Variants in PTCSC3 observed in about 807,000 individuals in gnomAD.
The protein encoded by PTCSC3 is papillary thyroid carcinoma susceptibility candidate 3, also known as papillary thyroid carcinoma susceptibility candidate 3 (non-protein coding).
chr14:36,151,078 A>G (rs1254072286), intron 3 of PTCSC3, among the ~76,000 whole-genome samples: 1 of 152,118 alleles, frequency 6.6e-6, no homozygotes, highest in African/African-American at 2.4e-5. Context: ...ATTGCTGACA[A>G]ATTTCCTCAG....
At chr14:36,139,802 G>A (rs917972656) in intron 3 of PTCSC3, among the ~76,000 whole-genome samples, 9 of 152,094 alleles carry the variant, frequency 5.9e-5, no homozygotes, top group African/African-American at 2.2e-4. Flanking sequence ...TGGTATATTT[G>A]TTATAATTAA....
chr14:36,166,968 A>G (rs1291419743), intron 1 of PTCSC3, among the ~76,000 whole-genome samples: 2 of 152,196 alleles, frequency 1.3e-5, no homozygotes, highest in South Asian at 2.1e-4. Context: ...AGGTTAGGAC[A>G]GGTAATTCAG....
intron 3 of PTCSC3, among the ~76,000 whole-genome samples, chr14:36,146,417 T>C (rs1361791556): frequency 6.6e-6 from 1 of 151,276 alleles, no homozygotes; most frequent in Non-Finnish European, 1.5e-5. Flanking sequence ...CATTATTTAA[T>C]GGCCTTGTTT....
intron 2 of PTCSC3, among the ~76,000 whole-genome samples, chr14:36,159,046 T>TGTTTCAA (rs1566508486): frequency 6.6e-6 from 1 of 151,942 alleles, no homozygotes; most frequent in Non-Finnish European, 1.5e-5. Context: ...TGCATAGAGG[T>TGTTTCAA]GTTTAAAGTA....
At chr14:36,136,454 T>C (rs1425216324) in intron 3 of PTCSC3, 1 of 152,202 alleles carries the variant, frequency 6.6e-6, no homozygotes, top group Non-Finnish European at 1.5e-5. Context: ...GTTTGTAACA[T>C]TGCTTATCTA....
At chr14:36,161,277 T>C (rs1881950717) in intron 2 of PTCSC3, among the ~76,000 whole-genome samples, 1 of 152,198 alleles carries the variant, frequency 6.6e-6, no homozygotes, top group South Asian at 2.1e-4. Context: ...CGAGGAGTTG[T>C]GATCCTTTGG....
Position 36,173,785 on chromosome 14 carries a change from T to TTCTC in PTCSC3, n.171+2509_171+2512dup, listed in dbSNP as rs1882230837. Among the ~76,000 whole-genome samples the TTCTC allele has an allele frequency of 2.6e-5, 4 of 152,228 alleles. No homozygotes were observed. The South Asian group carries it at 8.3e-4, about 32-fold the overall frequency. On this transcript the variant is annotated intron_variant and non_coding_transcript_variant, in intron 1 of 3. Coordinates refer to ENST00000556013, the Ensembl canonical transcript of PTCSC3. ...GCAGTGCAGGCAGGCTGGAAACGAA[T>TTCTC]TCTCTCAGCTGTTATTCTTCAGCAA...
At position 36,138,896 on chromosome 14, in the gene PTCSC3, G is replaced by T. The variant is rs2139086316; in HGVS notation, n.323-2540C>A. Among the ~76,000 whole-genome samples, 2 of 152,132 alleles carry T rather than the reference G, an allele frequency of 1.3e-5. 1 individual carries two copies. Among genetic ancestry groups the T allele is most frequent in the South Asian group, 4.2e-4 (2 of 4,818 alleles). Reference sequence around the variant, plus strand: ...GCACTTTGGGAGGCCGAGGCAGGCGGATCACGAGGAGTTCAAAACCATCCT... The same window carrying T: ...GCACTTTGGGAGGCCGAGGCAGGCGTATCACGAGGAGTTCAAAACCATCCT... On this transcript the variant is annotated intron_variant and non_coding_transcript_variant, in intron 3 of 3. Coordinates refer to ENST00000556013, the Ensembl canonical transcript of PTCSC3.
At chr14:36,167,280 G>A (rs1314678406) in intron 1 of PTCSC3, among the ~76,000 whole-genome samples, 1 of 152,106 alleles carries the variant, frequency 6.6e-6, no homozygotes, top group Non-Finnish European at 1.5e-5. Context: ...CAGGAAGCTA[G>A]CTGGCCCATT....
chr14:36,161,841 G>A (rs1005991823), intron 2 of PTCSC3, among the ~76,000 whole-genome samples: 3 of 152,108 alleles, frequency 2.0e-5, no homozygotes, highest in South Asian at 4.1e-4. Context: ...CTTCCCCCAC[G>A]TGCCCTGTCC....
chr14:36,139,740 TATA>T (rs1881376002), intron 3 of PTCSC3, among the ~76,000 whole-genome samples: 1 of 152,256 alleles, frequency 6.6e-6, no homozygotes. Context: ...AGTGTTCCTA[TATA>T]TCCTCCCTTC....
chr14:36,170,225 G>A (rs1039081067), intron 1 of PTCSC3, among the ~76,000 whole-genome samples: 1 of 152,008 alleles, frequency 6.6e-6, no homozygotes, highest in African/African-American at 2.4e-5. Flanking sequence ...TGTAGGTTAA[G>A]AATTTCCCAT....
intron 3 of PTCSC3, among the ~76,000 whole-genome samples, chr14:36,142,768 T>C (rs1205477112): frequency 1.3e-5 from 2 of 150,868 alleles, no homozygotes; most frequent in Non-Finnish European, 3.0e-5. Context: ...TAACTCATCA[T>C]CTAGCATTAG....
chr14:36,158,905 C>CTATT (rs1348301182), intron 2 of PTCSC3, among the ~76,000 whole-genome samples: 13 of 152,092 alleles, frequency 8.5e-5, no homozygotes. Context: ...GGTTGGTAGG[C>CTATT]TATTAATTAC....
chr14:36,145,539 ATTC>A (rs369047964), intron 3 of PTCSC3, among the ~76,000 whole-genome samples: 2,046 of 142,336 alleles, frequency 0.014, 46 homozygotes, highest in African/African-American at 0.049. Flanking sequence ...TGTCTATTTG[ATTC>A]TTCTCTCTTT....
intron 2 of PTCSC3, among the ~76,000 whole-genome samples, chr14:36,161,489 G>C (rs531372952): frequency 1.3e-5 from 2 of 152,190 alleles, no homozygotes; most frequent in African/African-American, 4.8e-5. Context: ...CTCTGCTGCA[G>C]GTCTGCTGGA....
intron 3 of PTCSC3, among the ~76,000 whole-genome samples, chr14:36,151,466 T>TC (rs1286616441): frequency 6.6e-6 from 1 of 152,222 alleles, no homozygotes; most frequent in African/African-American, 2.4e-5. Flanking sequence ...TTCTAATATT[T>TC]CTTTTGCATC....
At chr14:36,137,053 GA>G (rs397852003) in intron 3 of PTCSC3, among the ~76,000 whole-genome samples, 3 of 111,266 alleles carry the variant, frequency 2.7e-5, no homozygotes, top group Non-Finnish European at 5.3e-5. Context: ...AAGTGTTATA[GA>G]AAAAAAAGCA....
chr14:36,149,183 G>T (rs1379278615), intron 3 of PTCSC3, among the ~76,000 whole-genome samples: 1 of 152,086 alleles, frequency 6.6e-6, no homozygotes, highest in South Asian at 2.1e-4. Context: ...TGCACATTTT[G>T]ATAAATTGTA....
Sources: gnomAD v4.1 joint callset for allele counts (sites outside exome capture counted in the v4.1 genomes callset) on GRCh38, gnomAD v4.1.1 for gene constraint, MANE v1.5 for transcripts, NCBI Gene and HGNC (gene_info 2026-07-23, HGNC 2026-07-21) for gene names.